Variants in FAM193A observed in about 807,000 individuals in gnomAD.
FAM193A encodes family with sequence similarity 193 member A.
Under a neutral mutation model 126.5 loss-of-function variants are expected in FAM193A, and 22 were observed. The observed-to-expected ratio is 0.17, with a 90% CI of 0.12 to 0.25. The LOEUF (loss-of-function observed/expected upper bound fraction) is 0.25. Ranked by LOEUF, FAM193A falls within the 10% of genes least tolerant of loss-of-function variation. The pLI is 1.00. For missense variants in FAM193A, 1,675 were observed against 1,672.8 expected, an observed-to-expected ratio of 1.00 and a Z score of -0.02; for synonymous variants, 761 against 646.8, an observed-to-expected ratio of 1.18 and a Z score of -2.68.
chr4:2,726,778 CAAAAAAA>C lies in FAM193A; in HGVS notation c.4455-4978_4455-4972del, dbSNP rs71589604. On this transcript the variant is annotated intron_variant, in intron 20 of 20. Coordinates refer to ENST00000637812, the MANE Select transcript of FAM193A (RefSeq NM_001366318.2). The stretch of plus-strand genomic sequence containing the variant: ...GAAACCCCACCTTTACTAAAAATAC[CAAAAAAA>C]AAAAAAAAAAAAAAAAAAGCCGGGT... 4.0e-3 allele frequency among the ~76,000 whole-genome samples: 179 copies of C among 44,946 alleles called. 1 individual carries two copies. Among genetic ancestry groups the C allele is most frequent in the South Asian group, 0.026 (23 of 894 alleles). The allele number at this position is 44,946 out of a possible 152,430, so 29.5% of individuals were successfully genotyped here. A position where few individuals can be genotyped will look rare whatever the true frequency, so the allele number is the denominator to read the frequency against.
chr4:2,717,598 GA>G lies in FAM193A; in HGVS notation c.4454+1511del, dbSNP rs571958608. 2.8e-3 allele frequency among the ~76,000 whole-genome samples: 319 copies of G among 115,326 alleles called. 1 individual carries two copies. The highest frequency in any genetic ancestry group is 5.0e-3 in the African/African-American group (146 of 29,472). 75.7% of individuals were successfully genotyped at this position (115,326 alleles called of 152,430 possible). A position where few individuals can be genotyped will look rare whatever the true frequency, so the allele number is the denominator to read the frequency against. On this transcript the variant is annotated intron_variant, in intron 20 of 20. Transcript: ENST00000637812. The stretch of plus-strand genomic sequence containing the variant: ...GAAACAGAGAGAGACTTTGTCTCAG[GA>G]AAAAAAAAAAAAAAAAGCCAGGCAT...
Position 2,649,351 on chromosome 4 carries a change from G to A in FAM193A, c.1311+2519G>A, listed in dbSNP as rs1441706368. Among the ~76,000 whole-genome samples, 2 of 149,428 alleles carry A rather than the reference G, an allele frequency of 1.3e-5. 1 individual carries two copies. The highest frequency in any genetic ancestry group is 1.3e-4 in the Admixed American group (2 of 14,994). ...GATGGTGCCACTGCACTGCAGCCTG[G>A]GTGACAGAGTGAGACCCTGTCTGAA... On this transcript the variant is annotated intron_variant, in intron 7 of 20. Coordinates refer to ENST00000637812, the MANE Select transcript of FAM193A (RefSeq NM_001366318.2).
chr4:2,588,378 A>G (rs1740351970), intron 1 of FAM193A, among the ~76,000 whole-genome samples: 1 of 152,212 alleles, frequency 6.6e-6, no homozygotes, highest in South Asian at 2.1e-4. Context: ...AGCTTTATCA[A>G]CATTGTATTA....
At chr4:2,642,575 A>C (rs1744742687) in intron 6 of FAM193A, among the ~76,000 whole-genome samples, 1 of 152,154 alleles carries the variant, frequency 6.6e-6, no homozygotes, top group Non-Finnish European at 1.5e-5. Context: ...AGCACTTTTC[A>C]TGAGAAGATA....
intron 1 of FAM193A, among the ~76,000 whole-genome samples, chr4:2,570,899 G>A (rs1001408051): frequency 6.6e-6 from 1 of 152,168 alleles, no homozygotes; most frequent in African/African-American, 2.4e-5. Flanking sequence ...AGCACTTTGA[G>A]TACCGAACAC....
At chr4:2,648,219 C>T (rs1322378189) in intron 7 of FAM193A, among the ~76,000 whole-genome samples, 1 of 152,208 alleles carries the variant, frequency 6.6e-6, no homozygotes, top group African/African-American at 2.4e-5. Flanking sequence ...GCATCAGCTT[C>T]AGTGGAGTAA....
In FAM193A at chr4:2,672,095, G is replaced by A. The variant is rs778761068; in HGVS notation, c.2080-26G>A. 9 of 1,610,626 alleles carry A rather than the reference G, an allele frequency of 5.6e-6. No individual in the cohort carries two copies. The South Asian group carries it at 7.7e-5, about 14-fold the overall frequency. On this transcript the variant is annotated intron_variant, in intron 12 of 20. Transcript: ENST00000637812. ...ATACCATTTATTGTTTCACTAAATA[G>A]GTATGTTTTTTTTCTTTCCTCTTAG...
intron 13 of FAM193A, among the ~76,000 whole-genome samples, chr4:2,683,993 T>C (rs574385504): frequency 6.6e-6 from 1 of 152,350 alleles, no homozygotes; most frequent in South Asian, 2.1e-4. Flanking sequence ...TTCTCTTAGA[T>C]TGTTTTTATT....
intron 15 of FAM193A, among the ~76,000 whole-genome samples, chr4:2,692,696 G>C (rs905031792): frequency 2.6e-5 from 4 of 152,194 alleles, no homozygotes; most frequent in Non-Finnish European, 2.9e-5. Context: ...AAAGAGAAAA[G>C]GGTTGGAAGA....
At chr4:2,702,794 G>A (rs963667192) in intron 19 of FAM193A, among the ~76,000 whole-genome samples, 3 of 152,096 alleles carry the variant, frequency 2.0e-5, no homozygotes, top group Non-Finnish European at 2.9e-5. Context: ...GCATGCTTTC[G>A]GTATTTGTTC....
chr4:2,633,598 A>G (rs944675477), intron 5 of FAM193A, among the ~76,000 whole-genome samples: 5 of 151,768 alleles, frequency 3.3e-5, no homozygotes, highest in African/African-American at 1.2e-4. Flanking sequence ...TTTACTAGAT[A>G]ATAAAAAAAT....
chr4:2,715,975 A>G lies in FAM193A; in HGVS notation c.4373-48A>G, dbSNP rs1719490521. 3 of 1,014,376 alleles carry G rather than the reference A, an allele frequency of 3.0e-6. No individual in the cohort carries two copies. In the East Asian group the frequency reaches 7.1e-5, roughly 24 times the overall value. 62.8% of individuals were successfully genotyped at this position (1,014,376 alleles called of 1,614,324 possible). On this transcript the variant is annotated intron_variant, in intron 19 of 20. Coordinates refer to ENST00000637812, the MANE Select transcript of FAM193A (RefSeq NM_001366318.2). The stretch of plus-strand genomic sequence containing the variant: ...AAATGATTTCTTCCGTTCTGATAAG[A>G]TAGCCTGCTGCTGTAATTTGACTTG...
In FAM193A at chr4:2,659,611, G is replaced by A; in HGVS notation, c.1443G>A (p.Arg481=). The A allele has an allele frequency of 6.2e-7, 1 of 1,614,120 alleles. No individual in the cohort carries two copies. Among genetic ancestry groups the A allele is most frequent in the Non-Finnish European group, 8.5e-7 (1 of 1,180,008 alleles). Residue 481 remains arginine, a synonymous_variant, in exon 9 of 21, where the codon AGG becomes AGA. Transcript: ENST00000637812. ...AGAACAACTTCACAGACACCATGAGGCACATGTTATCGTCCCGGCTGAGCA... is the reference window on the plus strand; with the variant it reads ...AGAACAACTTCACAGACACCATGAGACACATGTTATCGTCCCGGCTGAGCA... ...TGENNFTDTM[R]HMLSSRLSMP... is the part of the protein sequence containing the mutation.
intron 1 of FAM193A, among the ~76,000 whole-genome samples, chr4:2,546,487 A>G (rs749082450): frequency 1.3e-5 from 2 of 152,174 alleles, no homozygotes; most frequent in African/African-American, 2.4e-5. Flanking sequence ...TCTTTTGGAT[A>G]AGTCCTGTAA....
intron 5 of FAM193A, 112 bp from the exon 6 acceptor site, chr4:2,639,623 A>T: frequency 3.2e-6 from 2 of 625,008 alleles, no homozygotes; most frequent in Non-Finnish European, 5.0e-6. Context: ...GTGAAGAGGG[A>T]TGTGTGCGTG....
chr4:2,560,923 G>C (rs983949754), intron 1 of FAM193A, among the ~76,000 whole-genome samples: 3 of 152,142 alleles, frequency 2.0e-5, no homozygotes, highest in Non-Finnish European at 2.9e-5. Context: ...AAAGTACTGG[G>C]ATTACAGGCA....
At chr4:2,665,583 A>G (rs1212701723) in intron 12 of FAM193A, among the ~76,000 whole-genome samples, 2 of 152,086 alleles carry the variant, frequency 1.3e-5, no homozygotes, top group Non-Finnish European at 2.9e-5. Context: ...GTCATGGCTC[A>G]CTGCAGCCTC....
At chr4:2,725,921 T>TG (rs1053244607) in intron 20 of FAM193A, among the ~76,000 whole-genome samples, 6 of 151,648 alleles carry the variant, frequency 4.0e-5, no homozygotes, top group African/African-American at 1.5e-4. Flanking sequence ...TTTTTTGAGA[T>TG]GGAGTCTCGC....
chr4:2,538,102 T>A (rs1034477531), intron 1 of FAM193A, among the ~76,000 whole-genome samples: 1 of 152,214 alleles, frequency 6.6e-6, no homozygotes, highest in Non-Finnish European at 1.5e-5. Flanking sequence ...TAATGTTATT[T>A]AAACTCTTAA....
Sources: gnomAD v4.1 joint callset for allele counts (sites outside exome capture counted in the v4.1 genomes callset) on GRCh38, gnomAD v4.1.1 for gene constraint, MANE v1.5 for transcripts, NCBI Gene and HGNC (gene_info 2026-07-23, HGNC 2026-07-21) for gene names.